FREM3: variants seen among roughly 807,000 people sequenced by gnomAD.
FREM3 encodes the protein FRAS1 related extracellular matrix 3.
In FREM3, 105 loss-of-function variants were observed where a neutral mutation model predicts 129.1. That is an observed-to-expected ratio of 0.81 (90% CI 0.69 to 0.96). FREM3 has a LOEUF of 0.96. Ranked by LOEUF, FREM3 falls within the 40% of genes least tolerant of loss-of-function variation. FREM3 has a pLI of 0.00. For synonymous variants in FREM3, 1,014 were observed against 1,044.9 expected (o/e 0.97, Z 0.57); for missense variants, 2,593 against 2,666.3 (o/e 0.97, Z 0.61).
intron 6 of FREM3, among the ~76,000 whole-genome samples, chr4:143,586,951 C>G (rs1238266192): frequency 6.6e-6 from 1 of 152,166 alleles, no homozygotes; most frequent in African/African-American, 2.4e-5. Flanking sequence ...ATGGAGATGA[C>G]ACCTTTGCAA....
Position 143,696,852 on chromosome 4 carries a change from G to T in FREM3, c.3824C>A (p.Thr1275Lys), listed in dbSNP as rs1560876872. ...CCAGACCTCAAAACTGTCCTCTTTTGTCTCTGAGTCATCATGCTCATACAC... is the reference window on the plus strand; with the variant it reads ...CCAGACCTCAAAACTGTCCTCTTTTTTCTCTGAGTCATCATGCTCATACAC... ...TIVYEHDDSETKEDSFEVWLS... is the reference protein window; with the variant it reads ...TIVYEHDDSEKKEDSFEVWLS... The change falls in exon 1 of 8, where the codon ACA becomes AAA. Residue 1275 changes from threonine (T) to lysine (K), a missense_variant. Thr to Lys is a moderately conservative substitution (Grantham distance 78, BLOSUM62 -1). Around this residue, in one of 2 missense-constraint regions of FREM3, gnomAD observed 2,276 missense variants for 2,267.2 expected, o/e 1.00. Coordinates refer to ENST00000329798, the MANE Select transcript of FREM3 (RefSeq NM_001168235.2). 6.5e-7 allele frequency: 1 copy of T among 1,537,672 alleles called. No homozygotes were observed. Among genetic ancestry groups the T allele is most frequent in the East Asian group, 2.4e-5 (1 of 40,904 alleles).
At chr4:143,639,500 T>C (rs1739285928) in intron 2 of FREM3, among the ~76,000 whole-genome samples, 1 of 152,180 alleles carries the variant, frequency 6.6e-6, no homozygotes, top group Non-Finnish European at 1.5e-5. Context: ...AGGTTTAACG[T>C]TCTGTGATTC....
intron 2 of FREM3, among the ~76,000 whole-genome samples, chr4:143,646,215 A>G (rs1371329011): frequency 1.3e-5 from 2 of 152,262 alleles, no homozygotes; most frequent in African/African-American, 4.8e-5. Flanking sequence ...TAAGACATAC[A>G]ACATGAAAGC....
At chr4:143,640,160 T>TGCAGTTGTACTG (rs1318238805) in intron 2 of FREM3, among the ~76,000 whole-genome samples, 2 of 152,200 alleles carry the variant, frequency 1.3e-5, no homozygotes, top group Non-Finnish European at 2.9e-5. Flanking sequence ...TTTGCACCTC[T>TGCAGTTGTACTG]CAGGGTACTG....
intron 6 of FREM3, among the ~76,000 whole-genome samples, chr4:143,600,476 TA>T (rs1401060685): frequency 2.0e-5 from 3 of 151,820 alleles, no homozygotes; most frequent in Non-Finnish European, 4.4e-5. Context: ...CCTATTGAAA[TA>T]AAAAAAAGAA....
intron 5 of FREM3, among the ~76,000 whole-genome samples, chr4:143,618,073 G>C (rs1738881595): frequency 6.6e-6 from 1 of 152,168 alleles, no homozygotes; most frequent in Non-Finnish European, 1.5e-5. Context: ...TGCTACGCTA[G>C]AAAAATTCAC....
rs1437765927 is a variant in FREM3, at chr4:143,696,875, C to A, written c.3801G>T (p.Val1267=). Residue 1267 remains valine, a synonymous_variant, in exon 1 of 8, where the codon GTG becomes GTT. Transcript: ENST00000329798. Reference sequence around the variant, plus strand: ...TTGTCTCTGAGTCATCATGCTCATACACAATGGTGGAGGCCTCCTGGATCT... The same window carrying A: ...TTGTCTCTGAGTCATCATGCTCATAAACAATGGTGGAGGCCTCCTGGATCT... ...LKEIQEASTI[V]YEHDDSETKE... 7.0e-5 allele frequency: 108 copies of A among 1,537,728 alleles called. No homozygotes were observed. The highest frequency in any genetic ancestry group is 9.2e-5 in the Non-Finnish European group (105 of 1,147,034).
intron 2 of FREM3, among the ~76,000 whole-genome samples, chr4:143,678,962 C>T (rs558559418): frequency 1.2e-4 from 19 of 152,206 alleles, no homozygotes; most frequent in African/African-American, 4.6e-4. Flanking sequence ...AAAGGATGCA[C>T]ATATACATAT....
chr4:143,698,129 A>G lies in FREM3; in HGVS notation c.2547T>C (p.Ser849=). The G allele has an allele frequency of 6.5e-7, 1 of 1,537,456 alleles. No individual in the cohort carries two copies. The highest frequency in any genetic ancestry group is 1.2e-5 in the South Asian group (1 of 84,058). Residue 849 remains serine, a synonymous_variant, in exon 1 of 8, where the codon AGT becomes AGC. Transcript: ENST00000329798. The part of the protein sequence containing the change: ...ILEGGSFNLS[S]NELHVTDPDT... ...CTGGGTCTGTAACATGCAGCTCATT[A>G]CTGCTGAGGTTAAAGCTGCCTCCCT... is the stretch of plus-strand genomic sequence containing the variant.
intron 2 of FREM3, among the ~76,000 whole-genome samples, chr4:143,634,118 G>A (rs560266633): frequency 6.6e-6 from 1 of 152,188 alleles, no homozygotes; most frequent in South Asian, 2.1e-4. Flanking sequence ...AGGAAGGAAG[G>A]TAGCTTGGGA....
rs181620317 is a variant in FREM3, at chr4:143,697,343, A to T, written c.3333T>A (p.Ser1111Arg). 1.7e-4 allele frequency: 269 copies of T among 1,537,220 alleles called. 2 individuals are homozygous for T. In the African/African-American group the frequency reaches 3.3e-3, roughly 19 times the overall value. The change falls in exon 1 of 8, where the codon AGT becomes AGA. Residue 1111 changes from serine (S) to arginine (R), a missense_variant. Physicochemically the swap from Ser to Arg is moderately radical, Grantham distance 110. Around this residue, in one of 2 missense-constraint regions of FREM3, gnomAD observed 2,276 missense variants for 2,267.2 expected, o/e 1.00. Transcript: ENST00000329798. ...HQDELLCTVTSQPASGYLEKI... is the reference protein window; with the variant it reads ...HQDELLCTVTRQPASGYLEKI... Reference sequence around the variant, plus strand: ...TTTCCAGGTAGCCAGAGGCTGGCTGACTAGTCACTGTGCAGAGGAGTTCAT... The same window carrying T: ...TTTCCAGGTAGCCAGAGGCTGGCTGTCTAGTCACTGTGCAGAGGAGTTCAT...
chr4:143,577,582 T>C lies in FREM3; in HGVS notation c.*29A>G. 1 of 1,526,158 alleles carries C rather than the reference T, an allele frequency of 6.6e-7. No individual in the cohort carries two copies. The highest frequency in any genetic ancestry group is 1.7e-4 in the Middle Eastern group (1 of 5,930). 94.5% of individuals were successfully genotyped at this position (1,526,158 alleles called of 1,614,324 possible). ...TCATTCTGTTGTTAGGAGACATATC[T>C]TGGCTGTTTTTTTCCCTCTTAAAGT... is the stretch of plus-strand genomic sequence containing the variant. On this transcript the variant is annotated 3_prime_UTR_variant, in exon 8 of 8. Coordinates refer to ENST00000329798, the MANE Select transcript of FREM3 (RefSeq NM_001168235.2).
chr4:143,597,075 C>T (rs1306038436), intron 6 of FREM3, among the ~76,000 whole-genome samples: 1 of 152,090 alleles, frequency 6.6e-6, no homozygotes, highest in Non-Finnish European at 1.5e-5. Context: ...GGAGCATCAA[C>T]CCTTGGGGAG....
chr4:143,629,333 A>G (rs1382908442), intron 2 of FREM3, among the ~76,000 whole-genome samples: 3 of 152,178 alleles, frequency 2.0e-5, no homozygotes, highest in Non-Finnish European at 2.9e-5. Context: ...GCAGGTTCTG[A>G]TCTATAGTTG....
At position 143,697,600 on chromosome 4, in the gene FREM3, C is replaced by T. The variant is rs1366193740; in HGVS notation, c.3076G>A (p.Val1026Ile). 1.3e-6 allele frequency: 2 copies of T among 1,537,646 alleles called. No homozygotes were observed. The highest frequency in any genetic ancestry group is 1.7e-6 in the Non-Finnish European group (2 of 1,147,026). Reference sequence around the variant, plus strand: ...GCATCGTGCTGCTTTTGAAAACCAACTTCACCTGCAGTGTGGGCATAGGCT... The same window carrying T: ...GCATCGTGCTGCTTTTGAAAACCAATTTCACCTGCAGTGTGGGCATAGGCT... Reference protein sequence around the residue: ...RVAYAHTAGEVGFQKQHDAFS... With the variant: ...RVAYAHTAGEIGFQKQHDAFS... The change falls in exon 1 of 8, where the codon GTT (valine) becomes ATT (isoleucine). Residue 1026 changes from valine to isoleucine, a missense_variant. Coordinates refer to ENST00000329798, the MANE Select transcript of FREM3 (RefSeq NM_001168235.2).
In FREM3 at chr4:143,611,512, G is replaced by A. The variant is rs1211878199; in HGVS notation, c.5795C>T (p.Thr1932Met). 91 of 1,536,884 alleles carry A rather than the reference G, an allele frequency of 5.9e-5. No individual in the cohort carries two copies. Among genetic ancestry groups the A allele is most frequent in the Non-Finnish European group, 7.9e-5 (91 of 1,146,738 alleles). Residue 1932 changes from threonine (T) to methionine (M), a missense_variant, in exon 6 of 8, where the codon ACG becomes ATG. Thr to Met is a moderately conservative substitution (Grantham distance 81). Around this residue, in one of 2 missense-constraint regions of FREM3, gnomAD observed 317 missense variants for 399.0 expected, o/e 0.79. Coordinates refer to ENST00000329798, the MANE Select transcript of FREM3 (RefSeq NM_001168235.2). ...AGAGAATAACACTGTGGAAGAAATC[G>A]TGCCTGTGGCAGAACCTACAGAAAT... ...CSTRQGSATG[T>M]ISSTVLFSDY...
chr4:143,662,407 T>A (rs370731080), intron 2 of FREM3, among the ~76,000 whole-genome samples: 3,476 of 152,242 alleles, frequency 0.023, 52 homozygotes, highest in South Asian at 0.047. Context: ...TTTGAGTGAG[T>A]TTCTTAATCC....
Position 143,684,961 on chromosome 4 carries a change from GA to G in FREM3, c.5275+8151del, listed in dbSNP as rs753422292. Reference sequence around the variant, plus strand: ...TTAACCCAATCCAAGAAAGAAAAAAGAATAAGAAAATATGAACAAAGCCTCC... The same window carrying G: ...TTAACCCAATCCAAGAAAGAAAAAAGATAAGAAAATATGAACAAAGCCTCC... On this transcript the variant is annotated intron_variant, in intron 2 of 7. Transcript: ENST00000329798. Among the ~76,000 whole-genome samples the G allele has an allele frequency of 4.0e-5, 6 of 149,278 alleles. No homozygotes were observed. In the East Asian group the frequency reaches 1.0e-3, roughly 25 times the overall value.
chr4:143,661,701 T>C (rs1021081729), intron 2 of FREM3, among the ~76,000 whole-genome samples: 14 of 152,254 alleles, frequency 9.2e-5, no homozygotes, highest in Non-Finnish European at 2.9e-5. Context: ...AGAATTCGGC[T>C]GTGAATACAT....
Sources: gnomAD v4.1 joint callset for allele counts (sites outside exome capture counted in the v4.1 genomes callset) on GRCh38, gnomAD v4.1.1 for gene constraint, gnomAD v4.1.1 regional missense constraint, MANE v1.5 for transcripts, NCBI Gene and HGNC (gene_info 2026-07-23, HGNC 2026-07-21) for gene names.